ZNF423: variants seen among roughly 807,000 people sequenced by gnomAD.
ZNF423 encodes zinc finger protein 423, also known as Ebf-associated zinc finger protein.
ZNF423 carries 12 observed loss-of-function variants against 95.8 expected under a neutral mutation model. The ratio of observed to expected loss-of-function variants is 0.13; its 90% CI spans 0.08 to 0.20. The LOEUF (loss-of-function observed/expected upper bound fraction) is 0.20, where lower values mean the gene tolerates loss of function less well. Among genes scored for constraint, ZNF423 ranks in the 10% least tolerant of loss-of-function variants. The probability of loss-of-function intolerance (pLI) is 1.00; values close to 1 mark genes in which losing one functional copy is unlikely to be tolerated. For missense variants in ZNF423, 1,316 were observed against 1,737.1 expected, an observed-to-expected ratio of 0.76 and a Z score of 4.31; for synonymous variants, 749 against 711.9, an observed-to-expected ratio of 1.05 and a Z score of -0.83.
At chr16:49,742,971 G>A (rs373212931) in intron 2 of ZNF423, among the ~76,000 whole-genome samples, 1 of 152,036 alleles carries the variant, frequency 6.6e-6, no homozygotes, top group Non-Finnish European at 1.5e-5. Context: ...TGTGCATTCC[G>A]GGCAAGGTGT....
At chr16:49,825,319 C>T (rs2034993748) in intron 1 of ZNF423, among the ~76,000 whole-genome samples, 1 of 152,048 alleles carries the variant, frequency 6.6e-6, no homozygotes, top group East Asian at 1.9e-4. Context: ...GTTTTGTGTC[C>T]AGTTCTTTCA....
chr16:49,506,289 G>A (rs186811494), intron 7 of ZNF423, among the ~76,000 whole-genome samples: 203 of 152,246 alleles, frequency 1.3e-3, no homozygotes, highest in Non-Finnish European at 1.0e-3. Context: ...TGATGGATAG[G>A]TGGGTAGATG....
intron 5 of ZNF423, among the ~76,000 whole-genome samples, chr16:49,576,382 G>A (rs1480147723): frequency 6.6e-5 from 10 of 152,232 alleles, no homozygotes; most frequent in Non-Finnish European, 1.2e-4. Context: ...GGCAAGAGCA[G>A]TAGCTGGGCT....
chr16:49,605,174 T>C (rs1413622140), intron 5 of ZNF423, among the ~76,000 whole-genome samples: 1 of 152,052 alleles, frequency 6.6e-6, no homozygotes. Flanking sequence ...CACCAGCAGA[T>C]GTAGTATCGA....
At chr16:49,826,187 G>A (rs2035003670) in intron 1 of ZNF423, among the ~76,000 whole-genome samples, 1 of 152,190 alleles carries the variant, frequency 6.6e-6, no homozygotes, top group Non-Finnish European at 1.5e-5. Context: ...ACTCCAGCCT[G>A]AGTGAAAGAG....
intron 5 of ZNF423, among the ~76,000 whole-genome samples, chr16:49,565,984 A>T (rs1970175283): frequency 6.6e-6 from 1 of 152,012 alleles, no homozygotes; most frequent in African/African-American, 2.4e-5. Context: ...AGCACCATCT[A>T]TCCATCCATC....
At chr16:49,647,292 G>T (rs1055317751) in intron 3 of ZNF423, among the ~76,000 whole-genome samples, 4 of 152,226 alleles carry the variant, frequency 2.6e-5, no homozygotes, top group African/African-American at 9.6e-5. Context: ...AATGTTGCTG[G>T]CCTCTTTCCT....
rs191546832 is a variant in ZNF423, at chr16:49,529,489, C to G, written c.3602-3995G>C. On this transcript the variant is annotated intron_variant, in intron 5 of 7. Transcript: ENST00000563137. ...GTGCTTTTGCTTAAAACCAAGTCAG[C>G]CTGCTGGAACCTTTCAGGCTGAAAC... Among the ~76,000 whole-genome samples the G allele has an allele frequency of 3.7e-4, 56 of 152,260 alleles. 1 individual carries two copies. Among genetic ancestry groups the G allele is most frequent in the African/African-American group, 1.3e-3 (55 of 41,544 alleles).
intron 3 of ZNF423, among the ~76,000 whole-genome samples, chr16:49,656,806 A>T (rs1156311662): frequency 6.6e-6 from 1 of 152,186 alleles, no homozygotes; most frequent in African/African-American, 2.4e-5. Context: ...AAGAAAAAAA[A>T]TGAGTTGTCT....
At position 49,635,821 on chromosome 16, in the gene ZNF423, C is replaced by T. The variant is rs963887255; in HGVS notation, c.3355G>A (p.Glu1119Lys). 2.2e-5 allele frequency: 35 copies of T among 1,608,586 alleles called. No individual in the cohort carries two copies. Among genetic ancestry groups the T allele is most frequent in the Non-Finnish European group, 2.7e-5 (32 of 1,178,072 alleles). ...CCGGCACAGGGCCGGTCGGCGGGCT[C>T]GGGCGGGGCCAGGCCACCCACCTGT... Reference protein sequence around the residue: ...NGQVGGLAPPEPADRPCAGLR... With the variant: ...NGQVGGLAPPKPADRPCAGLR... The change falls in exon 4 of 8, where the codon GAG becomes AAG. Residue 1119 changes from glutamate (E) to lysine (K), a missense_variant. By Grantham distance (56) the Glu-to-Lys change is moderately conservative. Coordinates refer to ENST00000563137, the MANE Select transcript of ZNF423 (RefSeq NM_001379286.1). This position sits in a 1 kb window ranked among gnomAD's most constrained non-coding sequence, Gnocchi z 4.8.
chr16:49,558,508 G>A (rs1969912438), intron 5 of ZNF423, among the ~76,000 whole-genome samples: 1 of 152,136 alleles, frequency 6.6e-6, no homozygotes, highest in African/African-American at 2.4e-5. Flanking sequence ...GGCTGTAGGG[G>A]CCCTCCCCAG....
intron 2 of ZNF423, 115 bp downstream of exon 2, chr16:49,789,372 G>T: frequency 1.0e-6 from 1 of 989,416 alleles, no homozygotes; most frequent in Non-Finnish European, 1.5e-6. Context: ...CTGGATTGGA[G>T]GCAGGAATGT....
At chr16:49,557,450 G>C (rs968587740) in intron 5 of ZNF423, among the ~76,000 whole-genome samples, 2 of 152,218 alleles carry the variant, frequency 1.3e-5, no homozygotes, top group Non-Finnish European at 2.9e-5. Flanking sequence ...ACCAGGGCTA[G>C]GGGAATTACA....
intron 1 of ZNF423, among the ~76,000 whole-genome samples, chr16:49,839,359 G>A (rs981603075): frequency 6.6e-6 from 1 of 152,116 alleles, no homozygotes; most frequent in Non-Finnish European, 1.5e-5. Flanking sequence ...GGCCTCTGAG[G>A]TAACGGGCTG....
At chr16:49,824,870 C>G (rs559481151) in intron 1 of ZNF423, among the ~76,000 whole-genome samples, 1 of 152,312 alleles carries the variant, frequency 6.6e-6, no homozygotes, top group South Asian at 2.1e-4. Flanking sequence ...GCGGGCACCT[C>G]CACCCACCAG....
intron 5 of ZNF423, among the ~76,000 whole-genome samples, chr16:49,553,226 G>T (rs1161286821): frequency 6.6e-6 from 1 of 152,088 alleles, no homozygotes; most frequent in African/African-American, 2.4e-5. Context: ...AGGGTTAGAG[G>T]TACTACCTGT....
At chr16:49,652,151 G>A (rs12933021) in intron 3 of ZNF423, among the ~76,000 whole-genome samples, 2 of 152,016 alleles carry the variant, frequency 1.3e-5, no homozygotes, top group African/African-American at 2.4e-5. Flanking sequence ...CAGACTCCCA[G>A]AACACTCCCT....
intron 5 of ZNF423, among the ~76,000 whole-genome samples, chr16:49,624,034 C>G (rs1972172956): frequency 2.0e-5 from 3 of 152,324 alleles, no homozygotes; most frequent in Admixed American, 6.5e-5. Context: ...GTCCATACAA[C>G]CACTTCAGAA....
At chr16:49,810,327 A>T (rs528919361) in intron 1 of ZNF423, among the ~76,000 whole-genome samples, 173 of 152,074 alleles carry the variant, frequency 1.1e-3, no homozygotes, top group African/African-American at 4.1e-3. Flanking sequence ...GCTCCCTTCC[A>T]GGCAACCACC....
Sources: allele counts gnomAD v4.1 joint callset (sites outside exome capture counted in the v4.1 genomes callset), GRCh38; gene constraint gnomAD v4.1.1; non-coding constraint Gnocchi (gnomAD v3.1); transcripts MANE v1.5; gene names NCBI Gene and HGNC (gene_info 2026-07-23, HGNC 2026-07-21).